FBXL4: variants seen among roughly 807,000 people sequenced by gnomAD.
FBXL4 encodes F-box/LRR-repeat protein 4.
FBXL4 carries 40 observed loss-of-function variants against 58.9 expected under a neutral mutation model. The ratio of observed to expected loss-of-function variants is 0.68; its 90% CI spans 0.53 to 0.88. The LOEUF (loss-of-function observed/expected upper bound fraction) is 0.88, where lower values mean the gene tolerates loss of function less well. Ranked by LOEUF, FBXL4 falls within the 40% of genes least tolerant of loss-of-function variation. FBXL4 has a pLI of 0.00. For synonymous variants in FBXL4, 263 were observed against 265.5 expected (o/e 0.99, Z 0.09); for missense variants, 676 against 734.4 (o/e 0.92, Z 0.92).
intron 5 of FBXL4, among the ~76,000 whole-genome samples, chr6:98,915,767 C>G (rs1204107297): frequency 2.6e-5 from 4 of 152,212 alleles, no homozygotes; most frequent in Admixed American, 6.5e-5. Context: ...TGGGAAAGGA[C>G]TTCATGTCTA....
At chr6:98,916,955 G>A (rs958545019) in intron 5 of FBXL4, among the ~76,000 whole-genome samples, 1 of 151,626 alleles carries the variant, frequency 6.6e-6, no homozygotes, top group South Asian at 2.1e-4. Context: ...AGAAACTACA[G>A]ATTAAACAGA....
Position 98,880,584 on chromosome 6 carries a change from A to C in FBXL4, c.1358T>G (p.Leu453Arg), listed in dbSNP as rs1313043654. Reference sequence around the variant, plus strand: ...ACAACTGCCTAAACTGAGGTGCTGAAGCTCTGAACAGAAGTTCAAAATGCT... The same window carrying C: ...ACAACTGCCTAAACTGAGGTGCTGACGCTCTGAACAGAAGTTCAAAATGCT... ...LLSILNFCSE[L>R]QHLSLGSCVM... Residue 453 changes from leucine to arginine, a missense_variant, in exon 8 of 10, where the codon CTT (leucine) becomes CGT (arginine). Transcript: ENST00000369244. 1 of 1,614,016 alleles carries C rather than the reference A, an allele frequency of 6.2e-7. No individual in the cohort carries two copies. Among genetic ancestry groups the C allele is most frequent in the Admixed American group, 1.7e-5 (1 of 60,024 alleles).
At chr6:98,943,365 G>T (rs996806881) in intron 1 of FBXL4, among the ~76,000 whole-genome samples, 3 of 151,806 alleles carry the variant, frequency 2.0e-5, no homozygotes, top group African/African-American at 7.3e-5. Context: ...TTGAGCCCAG[G>T]AGTTTGAGAC....
At chr6:98,919,303 C>T (rs1215393504) in intron 4 of FBXL4, among the ~76,000 whole-genome samples, 1 of 152,118 alleles carries the variant, frequency 6.6e-6, no homozygotes, top group African/African-American at 2.4e-5. Flanking sequence ...GCAGTAGGGA[C>T]TTTTATTACA....
chr6:98,917,561 A>G lies in FBXL4; in HGVS notation c.671T>C (p.Val224Ala). 6.2e-7 allele frequency: 1 copy of G among 1,614,054 alleles called. No homozygotes were observed. The highest frequency in any genetic ancestry group is 8.5e-7 in the Non-Finnish European group (1 of 1,179,920). The change falls in exon 5 of 10, where the codon GTG becomes GCG. Residue 224 changes from valine (V) to alanine (A), a missense_variant. Coordinates refer to ENST00000369244, the MANE Select transcript of FBXL4 (RefSeq NM_001278716.2). ...LEYYTELDAV[V>A]LHGVKDKPVL... ...TGGCTTGTCCTTCACACCATGTAGCACAACTGCATCTAATTCAGTGTAATA... is the reference window on the plus strand; with the variant it reads ...TGGCTTGTCCTTCACACCATGTAGCGCAACTGCATCTAATTCAGTGTAATA...
chr6:98,927,086 G>A (rs2128405915), intron 3 of FBXL4, 26 bp from the exon 4 acceptor site: 1 of 1,218,652 alleles, frequency 8.2e-7, no homozygotes, highest in African/African-American at 1.5e-5. Context: ...GCTTGGTGAA[G>A]TAAAATAATT....
At position 98,874,174 on chromosome 6, in the gene FBXL4, GTC is replaced by G. The variant is rs1582356177; in HGVS notation, c.*102_*103del. The G allele has an allele frequency of 9.8e-6, 8 of 812,698 alleles. No homozygotes were observed. The Admixed American group carries it at 1.3e-4, about 13-fold the overall frequency. 50.3% of individuals were successfully genotyped at this position (812,698 alleles called of 1,614,324 possible). On this transcript the variant is annotated 3_prime_UTR_variant, in exon 10 of 10. Transcript: ENST00000369244. ...ATATTTTTCTTTAAAATCTACAAAT[GTC>G]TTAATTCTTACCATTAAAACAACTA... is the stretch of plus-strand genomic sequence containing the variant.
chr6:98,916,410 A>G (rs1261111244), intron 5 of FBXL4, among the ~76,000 whole-genome samples: 1 of 152,178 alleles, frequency 6.6e-6, no homozygotes, highest in Non-Finnish European at 1.5e-5. Flanking sequence ...AAGACTTGGA[A>G]CCAACCCAAA....
intron 6 of FBXL4, among the ~76,000 whole-genome samples, chr6:98,904,833 A>G (rs567668074): frequency 6.6e-6 from 1 of 152,328 alleles, no homozygotes; most frequent in South Asian, 2.1e-4. Flanking sequence ...GCACTTGTGC[A>G]AGCTTTCAAA....
At chr6:98,887,461 T>C (rs1278074151) in intron 7 of FBXL4, among the ~76,000 whole-genome samples, 1 of 152,212 alleles carries the variant, frequency 6.6e-6, no homozygotes, top group Non-Finnish European at 1.5e-5. Flanking sequence ...AGTCTAATTA[T>C]ATATGTCTAG....
rs1472030560 is a variant in FBXL4, at chr6:98,873,979, AAGT to A, written c.*296_*298del. The A allele has an allele frequency of 5.0e-6, 1 of 201,428 alleles. No homozygotes were observed. The highest frequency in any genetic ancestry group is 9.8e-6 in the Non-Finnish European group (1 of 101,532). 12.5% of individuals were successfully genotyped at this position (201,428 alleles called of 1,614,324 possible). A position where few individuals can be genotyped will look rare whatever the true frequency, so the allele number is the denominator to read the frequency against. ...TATTGCTCAGTGTTCCTTTGAAAAT[AAGT>A]TAGCATGATTCCATGTTATTCTTTT... On this transcript the variant is annotated 3_prime_UTR_variant, in exon 10 of 10. Transcript: ENST00000369244.
chr6:98,871,096 AC>A lies in FBXL4; in HGVS notation c.*3181del, dbSNP rs1384935589. 9 of 151,846 alleles carry A rather than the reference AC, an allele frequency of 5.9e-5. No homozygotes were observed. The highest frequency in any genetic ancestry group is 1.5e-4 in the African/African-American group (6 of 41,354). 9.4% of individuals were successfully genotyped at this position (151,846 alleles called of 1,614,324 possible). A position where few individuals can be genotyped will look rare whatever the true frequency, so the allele number is the denominator to read the frequency against. On this transcript the variant is annotated 3_prime_UTR_variant, in exon 10 of 10. Coordinates refer to ENST00000369244, the MANE Select transcript of FBXL4 (RefSeq NM_001278716.2). Reference sequence around the variant, plus strand: ...GACTCAGTCTCAAAAAAAAAAAAAAACAAACTCAAAAATGAAAATAAAGTTG... The same window carrying A: ...GACTCAGTCTCAAAAAAAAAAAAAAAAAACTCAAAAATGAAAATAAAGTTG...
At chr6:98,883,801 A>C (rs989599603) in intron 7 of FBXL4, among the ~76,000 whole-genome samples, 1 of 150,928 alleles carries the variant, frequency 6.6e-6, no homozygotes, top group Admixed American at 6.6e-5. Flanking sequence ...ATTATACTTC[A>C]TAAGTCTTTA....
chr6:98,905,395 G>A (rs758028668), intron 6 of FBXL4, 31 bp downstream of exon 6: 1 of 1,599,948 alleles, frequency 6.3e-7, no homozygotes, highest in Middle Eastern at 1.7e-4. Context: ...TGCTGGGGGG[G>A]AAAAAAACTT....
chr6:98,913,409 T>G (rs937038927), intron 5 of FBXL4, among the ~76,000 whole-genome samples: 1 of 152,112 alleles, frequency 6.6e-6, no homozygotes, highest in Non-Finnish European at 1.5e-5. Context: ...ATTCCAAAAT[T>G]GACCACATAG....
At chr6:98,878,401 G>C (rs577455413) in intron 8 of FBXL4, among the ~76,000 whole-genome samples, 1 of 152,156 alleles carries the variant, frequency 6.6e-6, no homozygotes, top group South Asian at 2.1e-4. Flanking sequence ...GAGTGCGGTG[G>C]TATAACCATA....
chr6:98,905,388 TG>T lies in FBXL4; in HGVS notation c.1103+37del, dbSNP rs200701723. On this transcript the variant is annotated intron_variant, in intron 6 of 9. Coordinates refer to ENST00000369244, the MANE Select transcript of FBXL4 (RefSeq NM_001278716.2). ...CTACATAATAAGTATAACCTGCTGC[TG>T]GGGGGGAAAAAAACTTCATCAAGGC... 3.4e-4 allele frequency: 546 copies of T among 1,600,370 alleles called. 1 individual carries two copies. Among genetic ancestry groups the T allele is most frequent in the Non-Finnish European group, 4.3e-4 (506 of 1,168,976 alleles).
intron 5 of FBXL4, among the ~76,000 whole-genome samples, chr6:98,912,050 G>A (rs1772099921): frequency 6.6e-6 from 1 of 152,198 alleles, no homozygotes; most frequent in African/African-American, 2.4e-5. Context: ...AGGAGCCCAT[G>A]CAATCAACTG....
At chr6:98,880,053 A>G (rs1283451417) in intron 8 of FBXL4, among the ~76,000 whole-genome samples, 2 of 152,124 alleles carry the variant, frequency 1.3e-5, no homozygotes, top group African/African-American at 2.4e-5. Context: ...CACACAAAAA[A>G]GAGTTCCAAC....
Sources: allele counts gnomAD v4.1 joint callset (sites outside exome capture counted in the v4.1 genomes callset), GRCh38; gene constraint gnomAD v4.1.1; transcripts MANE v1.5; gene names NCBI Gene and HGNC (gene_info 2026-07-23, HGNC 2026-07-21).